PARD3B: variants seen among roughly 807,000 people sequenced by gnomAD.
The protein encoded by PARD3B is partitioning defective 3 homolog B.
A neutral mutation model predicts 130.2 loss-of-function variants in PARD3B; 103 were observed. That is an observed-to-expected ratio of 0.79 (90% CI 0.67 to 0.93). The LOEUF (loss-of-function observed/expected upper bound fraction) is 0.93, where lower values mean the gene tolerates loss of function less well. PARD3B is among the 40% of genes least tolerant of loss of function. PARD3B has a pLI of 0.00. For synonymous variants in PARD3B, 583 were observed against 553.2 expected, an observed-to-expected ratio of 1.05 and a Z score of -0.76; for missense variants, 1,609 against 1,499.2, an observed-to-expected ratio of 1.07 and a Z score of -1.21.
intron 2 of PARD3B, among the ~76,000 whole-genome samples, chr2:204,770,270 C>T (rs2125426916): frequency 8.7e-6 from 1 of 114,490 alleles, no homozygotes; most frequent in South Asian, 3.6e-4. Context: ...ACCCAGTAGT[C>T]ATTCAGGAGC....
intron 2 of PARD3B, among the ~76,000 whole-genome samples, chr2:204,720,346 G>A (rs146771585): frequency 4.6e-4 from 70 of 152,242 alleles, no homozygotes; most frequent in African/African-American, 1.6e-3. Context: ...CTGCGTTTTT[G>A]TGTGTGGTCT....
At chr2:204,546,851 A>AT (rs550229389) in intron 1 of PARD3B, among the ~76,000 whole-genome samples, 3 of 152,194 alleles carry the variant, frequency 2.0e-5, no homozygotes, top group South Asian at 4.2e-4. Flanking sequence ...TTAAGTGACA[A>AT]TTTTTTTTAA....
intron 1 of PARD3B, among the ~76,000 whole-genome samples, chr2:204,578,730 T>TA (rs1428034441): frequency 3.9e-5 from 6 of 152,286 alleles, no homozygotes; most frequent in African/African-American, 1.4e-4. Context: ...CCTGAGCAGT[T>TA]AAAAGTGTCA....
rs1250321298 is a variant in PARD3B at position 205,550,939 on chromosome 2, GTGTATATATATATGTGTA to G, written c.3181-2383_3181-2366del. Among the ~76,000 whole-genome samples, 13 of 56,056 alleles carry G rather than the reference GTGTATATATATATGTGTA, an allele frequency of 2.3e-4. No homozygotes were observed. The highest frequency in any genetic ancestry group is 6.6e-4 in the African/African-American group (13 of 19,568). The allele number at this position is 56,056 out of a possible 152,430, so 36.8% of individuals were successfully genotyped here. ...CATATAATTATGTGTGTGTGTGTGTGTGTATATATATATGTGTATATATATATATATATATATACACAC... is the reference window on the plus strand; with the variant it reads ...CATATAATTATGTGTGTGTGTGTGTGTATATATATATATATATATACACAC... On this transcript the variant is annotated intron_variant, in intron 21 of 22. Coordinates refer to ENST00000406610, the MANE Select transcript of PARD3B (RefSeq NM_001302769.2). The surrounding 1 kb of genome is among the most constrained non-coding windows in gnomAD (Gnocchi z 4.5).
chr2:205,608,528 G>A (rs904882615), intron 22 of PARD3B, among the ~76,000 whole-genome samples: 6 of 152,162 alleles, frequency 3.9e-5, no homozygotes, highest in Non-Finnish European at 1.5e-5. Context: ...GGCCGCGCAG[G>A]ATAGCTTCTG....
chr2:205,600,744 A>G (rs1408681775), intron 22 of PARD3B, among the ~76,000 whole-genome samples: 9 of 152,144 alleles, frequency 5.9e-5, no homozygotes, highest in Non-Finnish European at 1.2e-4. Flanking sequence ...TGTAAGTGAG[A>G]ATATACGGTG....
intron 3 of PARD3B, among the ~76,000 whole-genome samples, chr2:205,034,097 A>G (rs1442437149): frequency 6.6e-6 from 1 of 152,196 alleles, no homozygotes; most frequent in South Asian, 2.1e-4. Context: ...ACTTATTTAC[A>G]TACTAGACGA....
chr2:205,061,193 C>G (rs940707620), intron 4 of PARD3B, among the ~76,000 whole-genome samples: 3 of 152,010 alleles, frequency 2.0e-5, no homozygotes, highest in African/African-American at 7.2e-5. Context: ...TAAATAATAA[C>G]CCAGGAAATT....
At position 205,031,271 on chromosome 2, in the gene PARD3B, G is replaced by A. The variant is rs1420810520; in HGVS notation, c.395-16310G>A. 2.0e-5 allele frequency among the ~76,000 whole-genome samples: 3 copies of A among 152,036 alleles called. No individual in the cohort carries two copies. In the East Asian group the frequency reaches 5.8e-4, roughly 29 times the overall value. ...GTGTGTGCGTTTTCCAATCTAGATG[G>A]ATAGCATAGAATGAGATGACCTAGA... is the stretch of plus-strand genomic sequence containing the variant. On this transcript the variant is annotated intron_variant, in intron 3 of 22. Coordinates refer to ENST00000406610, the MANE Select transcript of PARD3B (RefSeq NM_001302769.2).
intron 14 of PARD3B, among the ~76,000 whole-genome samples, chr2:205,191,894 C>A (rs1264122171): frequency 1.3e-5 from 2 of 152,022 alleles, no homozygotes; most frequent in Non-Finnish European, 2.9e-5. Context: ...ACCTTTGTCA[C>A]CCAAGCTGGA....
In PARD3B at chr2:204,545,871, G is replaced by A; in HGVS notation, c.-129G>A. ...CGCTGCCGCGAGCCTCCGGGCCTCA[G>A]GGTGTTCCGGGGAGCGGCGCCCCGG... On this transcript the variant is annotated 5_prime_UTR_variant, in exon 1 of 23. Transcript: ENST00000406610. The A allele has an allele frequency of 3.7e-6, 4 of 1,070,014 alleles. No homozygotes were observed. The highest frequency in any genetic ancestry group is 3.7e-5 in the South Asian group (2 of 53,348). 66.3% of individuals were successfully genotyped at this position (1,070,014 alleles called of 1,614,324 possible).
Position 205,619,360 on chromosome 2 carries a change from G to A in PARD3B, c.*3547G>A, listed in dbSNP as rs1181302303. On this transcript the variant is annotated 3_prime_UTR_variant, in exon 23 of 23. Coordinates refer to ENST00000406610, the MANE Select transcript of PARD3B (RefSeq NM_001302769.2). The stretch of plus-strand genomic sequence containing the variant: ...GAGGGTCGAGAGATCTAAAGAGTTT[G>A]GTCTGAATGTGTGTCTGTACAATTC... The A allele has an allele frequency of 6.6e-6, 1 of 152,154 alleles. No individual in the cohort carries two copies. The highest frequency in any genetic ancestry group is 1.5e-5 in the Non-Finnish European group (1 of 68,044). 9.4% of individuals were successfully genotyped at this position (152,154 alleles called of 1,614,324 possible).
chr2:204,785,072 A>G (rs138026051), intron 2 of PARD3B, among the ~76,000 whole-genome samples: 111 of 152,360 alleles, frequency 7.3e-4, no homozygotes, highest in Middle Eastern at 3.4e-3. Flanking sequence ...AGTAGTATAG[A>G]GAATAAATTA....
rs2193075 is a variant in PARD3B, at chr2:205,268,713, T to A, written c.2185+22891T>A. Among the ~76,000 whole-genome samples, 90,779 of 151,970 alleles carry A rather than the reference T, an allele frequency of 0.6. 28,537 individuals are homozygous for A. The highest frequency in any genetic ancestry group is 0.72 in the Admixed American group (11,011 of 15,254). On this transcript the variant is annotated intron_variant, in intron 16 of 22. Transcript: ENST00000406610. This position sits in a 1 kb window ranked among gnomAD's most constrained non-coding sequence, Gnocchi z 4.1. ...AAATAAGTTTTAAAATAAAATGAAG[T>A]ATAATTTTGAGGAATATAGTGCCAA...
Position 205,461,063 on chromosome 2 carries a change from C to T in PARD3B, c.3044+20391C>T, listed in dbSNP as rs1384303623. ...ATATTTATTGAGTGAGATTTAGACA[C>T]AGTCCTTACTTTCATGGAACTTAAG... On this transcript the variant is annotated intron_variant, in intron 20 of 22. Coordinates refer to ENST00000406610, the MANE Select transcript of PARD3B (RefSeq NM_001302769.2). This position sits in a 1 kb window ranked among gnomAD's most constrained non-coding sequence, Gnocchi z 4.3. Among the ~76,000 whole-genome samples the T allele has an allele frequency of 6.6e-6, 1 of 152,170 alleles. No homozygotes were observed. The highest frequency in any genetic ancestry group is 1.5e-5 in the Non-Finnish European group (1 of 68,024).
intron 16 of PARD3B, among the ~76,000 whole-genome samples, chr2:205,295,606 C>T (rs1255296608): frequency 6.6e-6 from 1 of 152,078 alleles, no homozygotes; most frequent in Non-Finnish European, 1.5e-5. Flanking sequence ...GAATATCTTC[C>T]CTAAGACAAT....
chr2:204,994,733 C>A (rs1693996856), intron 3 of PARD3B, among the ~76,000 whole-genome samples: 1 of 145,938 alleles, frequency 6.9e-6, no homozygotes, highest in South Asian at 2.3e-4. Flanking sequence ...TTGTAGGTCA[C>A]TCAGGACTTG....
intron 2 of PARD3B, among the ~76,000 whole-genome samples, chr2:204,920,733 T>C (rs1192960930): frequency 1.3e-5 from 2 of 152,206 alleles, no homozygotes; most frequent in African/African-American, 4.8e-5. Flanking sequence ...TAATTTTTCA[T>C]AAGTAAATGA....
chr2:204,935,297 A>C (rs1382480100), intron 2 of PARD3B, among the ~76,000 whole-genome samples: 1 of 151,206 alleles, frequency 6.6e-6, no homozygotes, highest in Non-Finnish European at 1.5e-5. Context: ...TGGGAGGCCA[A>C]GGCGGGCGGA....
Sources: allele counts gnomAD v4.1 joint callset (sites outside exome capture counted in the v4.1 genomes callset), GRCh38; gene constraint gnomAD v4.1.1; non-coding constraint Gnocchi (gnomAD v3.1); transcripts MANE v1.5; gene names NCBI Gene and HGNC (gene_info 2026-07-23, HGNC 2026-07-21).